The following NME9 variants were observed in gnomAD, a reference collection of about 807,000 sequenced individuals.
NME9 encodes the protein NME/NM23 family member 9, also known as thioredoxin domain-containing protein 6.
In NME9, 48 loss-of-function variants were observed where a neutral mutation model predicts 44.4. The observed-to-expected ratio is 1.08, with a 90% CI of 0.86 to 1.37. The LOEUF (loss-of-function observed/expected upper bound fraction) is 1.37, where lower values mean the gene tolerates loss of function less well. NME9 is among the 40% of genes most tolerant of loss of function. NME9 has a pLI of 0.00. For missense variants in NME9, 325 were observed against 405.2 expected, an observed-to-expected ratio of 0.80 and a Z score of 1.70; for synonymous variants, 139 against 147.1, an observed-to-expected ratio of 0.94 and a Z score of 0.40.
chr3:138,264,576 C>T (rs991014898), intron 8 of NME9, among the ~76,000 whole-genome samples: 4 of 151,726 alleles, frequency 2.6e-5, no homozygotes, highest in Non-Finnish European at 5.9e-5. Context: ...CGCACCACCA[C>T]GCCTGGCTAA....
intron 8 of NME9, among the ~76,000 whole-genome samples, chr3:138,268,676 C>T (rs1039588019): frequency 6.6e-6 from 1 of 151,604 alleles, no homozygotes; most frequent in South Asian, 2.1e-4. Flanking sequence ...CTCGAGAGGC[C>T]GAGGCAGGAG....
intron 8 of NME9, among the ~76,000 whole-genome samples, chr3:138,295,595 G>C (rs2051411198): frequency 6.6e-6 from 1 of 152,226 alleles, no homozygotes; most frequent in South Asian, 2.1e-4. Context: ...AGGGACTGTG[G>C]AATGTCACTG....
intron 1 of NME9, among the ~76,000 whole-genome samples, chr3:138,326,564 G>A (rs1408295265): frequency 6.6e-6 from 1 of 151,912 alleles, no homozygotes; most frequent in African/African-American, 2.4e-5. Flanking sequence ...CTCCCAAGTA[G>A]CTGGGATTAC....
rs1560022164 is a variant in NME9 at position 138,270,143 on chromosome 3, C to G, written c.746-7557G>C. 3 of 1,553,900 alleles carry G rather than the reference C, an allele frequency of 1.9e-6. No homozygotes were observed. The East Asian group carries it at 6.7e-5, about 35-fold the overall frequency. On this transcript the variant is annotated intron_variant, in intron 8 of 8. Transcript: ENST00000317876. ...ATTTGGGCTTTAATGGTACGTTTCA[C>G]TTTTATATATATCATAACTTACAAA...
intron 7 of NME9, 98 bp from the exon 8 acceptor site, chr3:138,306,194 C>T (rs1466216019): frequency 2.1e-6 from 2 of 960,400 alleles, no homozygotes; most frequent in Non-Finnish European, 3.3e-6. Flanking sequence ...AGACAGGCAA[C>T]ATTAAAGGCT....
chr3:138,273,876 G>T lies in NME9; in HGVS notation c.746-11290C>A, dbSNP rs183223867. Among the ~76,000 whole-genome samples, 6 of 151,736 alleles carry T rather than the reference G, an allele frequency of 4.0e-5. No individual in the cohort carries two copies. In the East Asian group the frequency reaches 1.2e-3, roughly 29 times the overall value. ...CTTTCCCCCAGGCTGGAGTGCAGTG[G>T]CACAGTCTCCGGTCATTGCAACCTC... On this transcript the variant is annotated intron_variant, in intron 8 of 8. Transcript: ENST00000317876.
intron 7 of NME9, 40 bp from the exon 8 acceptor site, chr3:138,306,136 G>T: frequency 1.4e-6 from 2 of 1,394,338 alleles, no homozygotes; most frequent in Non-Finnish European, 1.0e-6. Context: ...GGTAAATCAA[G>T]CCCAAATTCA....
At chr3:138,300,299 T>G (rs181087550), downstream of NME9, among the ~76,000 whole-genome samples, 1 of 152,288 alleles carries the variant, frequency 6.6e-6, no homozygotes, top group Admixed American at 6.5e-5. Context: ...GGGACTGACT[T>G]ATCCGTGTGT....
intron 8 of NME9, among the ~76,000 whole-genome samples, chr3:138,279,015 A>C (rs887558351): frequency 6.6e-6 from 1 of 152,086 alleles, no homozygotes; most frequent in Non-Finnish European, 1.5e-5. Flanking sequence ...TCTATATGCT[A>C]TTTTGTTTTT....
Position 138,307,305 on chromosome 3 carries a change from G to A in NME9, c.461-825C>T, listed in dbSNP as rs186537652. Among the ~76,000 whole-genome samples, 137 of 152,294 alleles carry A rather than the reference G, an allele frequency of 9.0e-4. 1 individual carries two copies. The highest frequency in any genetic ancestry group is 2.9e-3 in the African/African-American group (119 of 41,556). On this transcript the variant is annotated intron_variant, in intron 6 of 10. Coordinates refer to ENST00000333911, the MANE Select transcript of NME9 (RefSeq NM_001349018.2). ...CAGAGTCCACTGCTTAGTCCCACAG[G>A]AGCTGTAGGGAGGTCTGTGTCTAGT...
intron 8 of NME9, chr3:138,264,082 A>G (rs759347039): frequency 3.6e-5 from 55 of 1,538,950 alleles, no homozygotes; most frequent in Non-Finnish European, 4.9e-5. Flanking sequence ...TTGTTTGAAA[A>G]GTAAAAGTTT....
At chr3:138,273,237 T>C in intron 8 of NME9, 1 of 1,086,572 alleles carries the variant, frequency 9.2e-7, no homozygotes, top group South Asian at 1.9e-5. Flanking sequence ...GCTGCCCCCT[T>C]CCAAAGAAAC....
At chr3:138,288,957 A>G in intron 8 of NME9, 1 of 1,015,978 alleles carries the variant, frequency 9.8e-7, no homozygotes, top group Non-Finnish European at 1.5e-6. Context: ...CTTTTAGGTT[A>G]TAGGAATTGG....
intron 8 of NME9, chr3:138,287,517 CTT>C (rs769694489): frequency 6.0e-4 from 230 of 384,506 alleles, no homozygotes; most frequent in Non-Finnish European, 1.1e-3. Context: ...GATGAATAAA[CTT>C]ATGCATAGTA....
chr3:138,305,667 T>G (rs1435660702), intron 8 of NME9, among the ~76,000 whole-genome samples: 1 of 152,224 alleles, frequency 6.6e-6, no homozygotes, highest in Non-Finnish European at 1.5e-5. Flanking sequence ...TGGCAGTATC[T>G]AAAGTGATAT....
At chr3:138,287,551 A>G (rs1047057274) in intron 8 of NME9, 19 of 450,756 alleles carry the variant, frequency 4.2e-5, no homozygotes, top group Non-Finnish European at 4.0e-5. Context: ...GTTATAGTAT[A>G]TACAAGCTCA....
chr3:138,282,800 A>G (rs2108352374), intron 8 of NME9, among the ~76,000 whole-genome samples: 1 of 152,178 alleles, frequency 6.6e-6, no homozygotes, highest in East Asian at 1.9e-4. Flanking sequence ...CCCCAAACTA[A>G]TTACTCCTGT....
At chr3:138,274,930 G>A (rs576652860) in intron 8 of NME9, among the ~76,000 whole-genome samples, 9 of 152,200 alleles carry the variant, frequency 5.9e-5, no homozygotes, top group East Asian at 5.8e-4. Flanking sequence ...CCTGCGACTC[G>A]CTGATAAAAT....
rs1230156372 is a variant in NME9 at position 138,315,526 on chromosome 3, C to T, written c.384+1G>A. 1 of 1,535,018 alleles carries T rather than the reference C, an allele frequency of 6.5e-7. No individual in the cohort carries two copies. The highest frequency in any genetic ancestry group is 1.2e-5 in the South Asian group (1 of 84,008). On this transcript the variant is annotated splice_donor_variant, in intron 5 of 10. Coordinates refer to ENST00000333911, the MANE Select transcript of NME9 (RefSeq NM_001349018.2). LOFTEE classifies it high-confidence loss of function. The stretch of plus-strand genomic sequence containing the variant: ...TGCTTATAGAAGTGACCTCCAGTTA[C>T]CACTTTCCGTTCTCTGCCTTCAGCC...
Sources: allele counts gnomAD v4.1 joint callset (sites outside exome capture counted in the v4.1 genomes callset), GRCh38; gene constraint gnomAD v4.1.1; transcripts MANE v1.5; gene names NCBI Gene and HGNC (gene_info 2026-07-23, HGNC 2026-07-21).